The following ZNF91 variants were observed in gnomAD, a reference collection of about 807,000 sequenced individuals.
The protein encoded by ZNF91 is zinc finger protein 91 (HPF7, HTF10).
ZNF91 carries 7 observed loss-of-function variants against 12.6 expected under a neutral mutation model. The ratio of observed to expected loss-of-function variants is 0.55; its 90% confidence interval spans 0.31 to 1.04. The LOEUF is 1.04. Among genes scored for constraint, ZNF91 ranks in the 50% least tolerant of loss-of-function variants. The pLI, the probability that ZNF91 is intolerant of heterozygous loss-of-function variation, is 0.05. For missense variants in ZNF91, 1,217 were observed against 1,385.4 expected, an observed-to-expected ratio of 0.88 and a Z score of 1.93; for synonymous variants, 453 against 462.6, an observed-to-expected ratio of 0.98 and a Z score of 0.27.
At chr19:23,371,863 C>CA (rs559584085) in intron 3 of ZNF91, among the ~76,000 whole-genome samples, 98 of 152,124 alleles carry the variant, frequency 6.4e-4, no homozygotes, top group African/African-American at 2.3e-3. Flanking sequence ...AAACTAGTGT[C>CA]AATTTTTATG....
Position 23,362,136 on chromosome 19 carries a change from T to G in ZNF91, c.843A>C (p.Leu281=). Residue 281 remains leucine (L), a synonymous_variant, in exon 4 of 4, where the codon CTA becomes CTC. Transcript: ENST00000300619. ...CGKAFLWSST[L]TRHKRIHTGE... is the part of the protein sequence containing the mutation. The stretch of plus-strand genomic sequence containing the variant: ...CAGTGTGTATCCTCTTATGTCTAGT[T>G]AGGGTTGAGGACCATAGAAATGCTT... 6.2e-7 allele frequency: 1 copy of G among 1,613,670 alleles called. No individual in the cohort carries two copies. Among genetic ancestry groups the G allele is most frequent in the Non-Finnish European group, 8.5e-7 (1 of 1,179,898 alleles).
chr19:23,391,725 G>A (rs1366201711), intron 1 of ZNF91, among the ~76,000 whole-genome samples: 6 of 152,070 alleles, frequency 3.9e-5, no homozygotes. Context: ...GCTTTCCAGG[G>A]CTCTGTAGAT....
At position 23,362,404 on chromosome 19, in the gene ZNF91, C is replaced by G. The variant is rs758818527; in HGVS notation, c.575G>C (p.Cys192Ser). 1.9e-6 allele frequency: 3 copies of G among 1,613,956 alleles called. No homozygotes were observed. The highest frequency in any genetic ancestry group is 2.5e-6 in the Non-Finnish European group (3 of 1,179,962). ...ATGTTGGGTTTTGTGTAAACGGATGCAAAATGACTTGACACATTTTTTACA... is the reference window on the plus strand; with the variant it reads ...ATGTTGGGTTTTGTGTAAACGGATGGAAAATGACTTGACACATTTTTTACA... Reference protein sequence around the residue: ...FKCKKCVKSFCIRLHKTQHKC... With the variant: ...FKCKKCVKSFSIRLHKTQHKC... Residue 192 changes from cysteine to serine, a missense_variant, in exon 4 of 4, where the codon TGC becomes TCC. Physicochemically the swap from Cys to Ser is moderately radical, Grantham distance 112 (BLOSUM62 -1). Around this residue, in one of 2 missense-constraint regions of ZNF91, gnomAD observed 726 missense variants for 895.5 expected, o/e 0.81. Coordinates refer to ENST00000300619, the MANE Select transcript of ZNF91 (RefSeq NM_003430.4).
chr19:23,327,697 T>C (rs1292313333), intron 1 of ZNF91: 1 of 152,162 alleles, frequency 6.6e-6, no homozygotes, highest in Non-Finnish European at 1.5e-5. Flanking sequence ...AGAAAATAGA[T>C]TTTTTTAAGC....
intron 1 of ZNF91, chr19:23,385,135 G>C (rs1216208219): frequency 8.1e-6 from 6 of 741,678 alleles, no homozygotes; most frequent in African/African-American, 3.5e-5. Context: ...GCCAGCCGAA[G>C]ACATGTTTCA....
chr19:23,391,936 C>T (rs1970075835), intron 1 of ZNF91, among the ~76,000 whole-genome samples: 1 of 152,104 alleles, frequency 6.6e-6, no homozygotes, highest in African/African-American at 2.4e-5. Flanking sequence ...GAAACTATAA[C>T]TAGGTGGTAG....
chr19:23,377,415 C>T (rs1047706509), intron 1 of ZNF91, among the ~76,000 whole-genome samples: 1 of 152,160 alleles, frequency 6.6e-6, no homozygotes, highest in East Asian at 1.9e-4. Flanking sequence ...TAACCACTTA[C>T]CTAAGCATTG....
At chr19:23,393,927 T>C (rs921936246) in intron 1 of ZNF91, among the ~76,000 whole-genome samples, 2 of 152,066 alleles carry the variant, frequency 1.3e-5, no homozygotes, top group African/African-American at 2.4e-5. Flanking sequence ...TTGAGCCCAG[T>C]AGGCGGAGGT....
chr19:23,373,765 T>C lies in ZNF91; in HGVS notation c.230A>G (p.His77Arg). 1.2e-6 allele frequency: 2 copies of C among 1,610,876 alleles called. No homozygotes were observed. Among genetic ancestry groups the C allele is most frequent in the Non-Finnish European group, 8.5e-7 (1 of 1,178,142 alleles). Reference sequence around the variant, plus strand: ...ACCTGTGGGTTCATCCACCATCTCATGTTGCTTCATATTCCAGGGCTCTTT... The same window carrying C: ...ACCTGTGGGTTCATCCACCATCTCACGTTGCTTCATATTCCAGGGCTCTTT... ...QGKEPWNMKQ[H>R]EMVDEPTGIC... is the part of the protein sequence containing the mutation. Residue 77 changes from histidine to arginine, a missense_variant, in exon 3 of 4, where the codon CAT becomes CGT. Coordinates refer to ENST00000300619, the MANE Select transcript of ZNF91 (RefSeq NM_003430.4).
chr19:23,362,179 T>C lies in ZNF91; in HGVS notation c.800A>G (p.Lys267Arg), dbSNP rs758398261. The change falls in exon 4 of 4, where the codon AAG becomes AGG. Residue 267 changes from lysine to arginine, a missense_variant. By Grantham distance (26) the Lys-to-Arg change is conservative. This residue lies in a region of ZNF91 where 726 missense variants were observed against 895.5 expected (regional missense o/e 0.81). Transcript: ENST00000300619. ...KIICAKEKIYKCEECGKAFLW... is the reference protein window; with the variant it reads ...KIICAKEKIYRCEECGKAFLW... ...AAATGCTTTGCCACATTCTTCACAC[T>C]TGTAGATTTTCTCTTTAGCACAGAT... The C allele has an allele frequency of 2.5e-6, 4 of 1,613,150 alleles. No individual in the cohort carries two copies. Among genetic ancestry groups the C allele is most frequent in the Admixed American group, 1.7e-5 (1 of 59,992 alleles).
intron 3 of ZNF91, among the ~76,000 whole-genome samples, chr19:23,348,336 CATTA>C (rs1968280663): frequency 6.6e-6 from 1 of 152,190 alleles, no homozygotes; most frequent in African/African-American, 2.4e-5. Context: ...GGCAGAAGAA[CATTA>C]ATTGTGAAGA....
intron 3 of ZNF91, chr19:23,340,048 C>A (rs1421993010): frequency 6.7e-6 from 1 of 150,322 alleles, no homozygotes; most frequent in Non-Finnish European, 1.5e-5. Context: ...AAATGTAGTA[C>A]TAAAAGGGAA....
At chr19:23,367,225 G>A (rs1247203997) in intron 3 of ZNF91, among the ~76,000 whole-genome samples, 1 of 152,206 alleles carries the variant, frequency 6.6e-6, no homozygotes, top group African/African-American at 2.4e-5. Context: ...CCAGTAGGTT[G>A]AGGCTGCAGT....
At chr19:23,376,588 C>T (rs918636806) in intron 1 of ZNF91, among the ~76,000 whole-genome samples, 1 of 152,068 alleles carries the variant, frequency 6.6e-6, no homozygotes, top group African/African-American at 2.4e-5. Flanking sequence ...AGGGTTTCTC[C>T]ATGTTGGTCA....
At chr19:23,353,709 T>C (rs1968420810), downstream of ZNF91, among the ~76,000 whole-genome samples, 1 of 152,066 alleles carries the variant, frequency 6.6e-6, no homozygotes, top group Non-Finnish European at 1.5e-5. Context: ...ATTAGCAAGA[T>C]TAACCAAGAA....
At chr19:23,383,029 G>A (rs779257138) in intron 1 of ZNF91, among the ~76,000 whole-genome samples, 1 of 152,120 alleles carries the variant, frequency 6.6e-6, no homozygotes, top group Non-Finnish European at 1.5e-5. Flanking sequence ...ACCAAAACCT[G>A]GCAGAGATAA....
intron 3 of ZNF91, among the ~76,000 whole-genome samples, chr19:23,368,914 A>T (rs1334766551): frequency 6.6e-6 from 1 of 152,204 alleles, no homozygotes; most frequent in Non-Finnish European, 1.5e-5. Flanking sequence ...TAATTTGTAG[A>T]GAAATGCATT....
intron 3 of ZNF91, among the ~76,000 whole-genome samples, chr19:23,365,395 C>T (rs1968960965): frequency 6.6e-6 from 1 of 151,198 alleles, no homozygotes; most frequent in African/African-American, 2.4e-5. Context: ...CACTAGAAAC[C>T]AGGAGTTTCA....
chr19:23,335,942 C>A (rs1320546942), downstream of ZNF91, among the ~76,000 whole-genome samples: 1 of 152,126 alleles, frequency 6.6e-6, no homozygotes, highest in African/African-American at 2.4e-5. Context: ...CCTATTCGGC[C>A]ATCTTGGAAC....
Sources: allele counts gnomAD v4.1 joint callset (sites outside exome capture counted in the v4.1 genomes callset), GRCh38; gene constraint gnomAD v4.1.1; regional missense constraint gnomAD v4.1.1; transcripts MANE v1.5; gene names NCBI Gene and HGNC (gene_info 2026-07-23, HGNC 2026-07-21).